ZNF251: variants seen among roughly 807,000 people sequenced by gnomAD.
ZNF251 encodes zinc finger protein 251.
Under a neutral mutation model 13.5 loss-of-function variants are expected in ZNF251, and 14 were observed. That is an observed-to-expected ratio of 1.04 (90% confidence interval 0.69 to 1.63). ZNF251 has a LOEUF of 1.63. ZNF251 is among the 40% of genes most tolerant of loss of function. ZNF251 has a pLI of 0.00. For missense variants in ZNF251, 764 were observed against 834.9 expected, an observed-to-expected ratio of 0.92 and a Z score of 1.05; for synonymous variants, 287 against 295.2, an observed-to-expected ratio of 0.97 and a Z score of 0.28.
chr8:144,733,991 G>A (rs977012343), intron 4 of ZNF251, among the ~76,000 whole-genome samples: 3 of 152,252 alleles, frequency 2.0e-5, no homozygotes, highest in African/African-American at 7.2e-5. Flanking sequence ...CGCTAGGTCT[G>A]TTCCGCAGCC....
chr8:144,755,306 G>A (rs1824909145), intron 1 of ZNF251, 99 bp downstream of exon 1: 1 of 1,265,496 alleles, frequency 7.9e-7, no homozygotes, highest in African/African-American at 1.6e-5. Context: ...ACCCAGAACA[G>A]GCTCCTCCTG....
intron 4 of ZNF251, among the ~76,000 whole-genome samples, chr8:144,724,908 G>A (rs1823473634): frequency 6.6e-6 from 1 of 152,312 alleles, no homozygotes; most frequent in East Asian, 1.9e-4. Context: ...AGTCGGTGAA[G>A]CCATCTGGGC....
At chr8:144,754,536 G>A (rs1317462933) in intron 2 of ZNF251, 160 bp downstream of exon 2, 25 of 1,450,058 alleles carry the variant, frequency 1.7e-5, no homozygotes, top group Non-Finnish European at 2.0e-5. Flanking sequence ...CCCTCTCCCT[G>A]CAGGAGGGCG....
intron 4 of ZNF251, among the ~76,000 whole-genome samples, chr8:144,725,050 G>C (rs1018246815): frequency 4.0e-5 from 6 of 150,878 alleles, no homozygotes; most frequent in African/African-American, 1.5e-4. Flanking sequence ...TTTCACTCTT[G>C]TTGCCCAGAC....
chr8:144,736,709 C>G (rs1163308530), intron 4 of ZNF251, among the ~76,000 whole-genome samples: 1 of 151,902 alleles, frequency 6.6e-6, no homozygotes, highest in Non-Finnish European at 1.5e-5. Context: ...TCAGGCTGGT[C>G]TTGAACTCCC....
rs1179379518 is a variant in ZNF251, at chr8:144,755,398, GC to G, written c.-76+6del. ...TGGCGCTCCTTCCTGGTCCGACACT[GC>G]CCCACCTGTTTGCTCGACCCGGGGA... On this transcript the variant is annotated splice_donor_region_variant and intron_variant, in intron 1 of 4. Coordinates refer to ENST00000292562, the MANE Select transcript of ZNF251 (RefSeq NM_138367.2). 1 of 1,288,386 alleles carries G rather than the reference GC, an allele frequency of 7.8e-7. No individual in the cohort carries two copies. The highest frequency in any genetic ancestry group is 1.0e-6 in the Non-Finnish European group (1 of 988,812). The allele number at this position is 1,288,386 out of a possible 1,614,324, so 79.8% of individuals were successfully genotyped here.
intron 4 of ZNF251, chr8:144,729,980 T>G (rs1341023998): frequency 1.1e-6 from 1 of 934,978 alleles, no homozygotes; most frequent in Non-Finnish European, 1.3e-6. Flanking sequence ...CAGGCAGGGC[T>G]GAGCCCACCC....
chr8:144,730,044 C>T lies in ZNF251; in HGVS notation c.278-6662G>A, dbSNP rs555134405. On this transcript the variant is annotated intron_variant, in intron 4 of 4. Transcript: ENST00000292562. ...GCCCTCACCCACCAACTCGAGGCCG[C>T]TCACTCACTGTGCAGCTGTATGGCA... 3.6e-5 allele frequency: 35 copies of T among 985,472 alleles called. No homozygotes were observed. In the East Asian group the frequency reaches 2.6e-3, roughly 74 times the overall value. The allele number at this position is 985,472 out of a possible 1,614,324, so 61.0% of individuals were successfully genotyped here.
At chr8:144,724,443 G>GC (rs979619802) in intron 4 of ZNF251, among the ~76,000 whole-genome samples, 1 of 151,872 alleles carries the variant, frequency 6.6e-6, no homozygotes, top group African/African-American at 2.4e-5. Context: ...CAATCTTCCT[G>GC]CCTCAGCCTC....
rs535082728 is a variant in ZNF251 at position 144,755,119 on chromosome 8, T to A, written c.-76+286A>T. 4.1e-6 allele frequency: 5 copies of A among 1,217,930 alleles called. No individual in the cohort carries two copies. The African/African-American group carries it at 6.4e-5, about 16-fold the overall frequency. 75.4% of individuals were successfully genotyped at this position (1,217,930 alleles called of 1,614,324 possible). A position where few individuals can be genotyped will look rare whatever the true frequency, so the allele number is the denominator to read the frequency against. ...GGCCAACCTGGGGCAAAGAGCCACG[T>A]GAGGGTGCAGCCTCACCAAGGCTGA... is the stretch of plus-strand genomic sequence containing the variant. On this transcript the variant is annotated intron_variant, in intron 1 of 4. Transcript: ENST00000292562.
rs745618669 is a variant in ZNF251 at position 144,754,222 on chromosome 8, G to A, written c.133C>T (p.Leu45=). Residue 45 remains leucine (L), a synonymous_variant, in exon 3 of 5, where the codon CTG becomes TTG. Transcript: ENST00000292562. ...GAGGCCACGTTCCCATAGTTCTCCA[G>A]CATCACATCCCGGTAGAGCGCCCGC... ...QQRALYRDVM[L]ENYGNVASLG... The A allele has an allele frequency of 6.8e-5, 109 of 1,613,948 alleles. No individual in the cohort carries two copies. The highest frequency in any genetic ancestry group is 9.1e-5 in the Non-Finnish European group (107 of 1,179,976).
rs768462124 is a variant in ZNF251 at position 144,721,952 on chromosome 8, C to T, written c.1708G>A (p.Glu570Lys). 9.9e-6 allele frequency: 15 copies of T among 1,522,002 alleles called. No individual in the cohort carries two copies. The Admixed American group carries it at 3.3e-4, about 33-fold the overall frequency. 94.3% of individuals were successfully genotyped at this position (1,522,002 alleles called of 1,614,324 possible). A position where few individuals can be genotyped will look rare whatever the true frequency, so the allele number is the denominator to read the frequency against. ...HTGEKSFGCN[E>K]YGKAFSPTSR... ...GTGGGACTGAAAGCTTTTCCATATTCATTACATCCAAAGGATTTCTCACCA... is the reference window on the plus strand; with the variant it reads ...GTGGGACTGAAAGCTTTTCCATATTTATTACATCCAAAGGATTTCTCACCA... Residue 570 changes from glutamate (E) to lysine (K), a missense_variant, in exon 5 of 5, where the codon GAA becomes AAA. Transcript: ENST00000292562.
chr8:144,725,558 C>G (rs1215482739), intron 4 of ZNF251, among the ~76,000 whole-genome samples: 2 of 152,284 alleles, frequency 1.3e-5, no homozygotes, highest in East Asian at 3.9e-4. Context: ...TCCCAAAGTG[C>G]TGGGATTACA....
Position 144,729,351 on chromosome 8 carries a change from T to G in ZNF251, c.278-5969A>C, listed in dbSNP as rs1416185643. ...TTTATTTTTATTTTTTTTTTTTTTT[T>G]TGTGAGATAGAGTCTTGCTCTGTCG... On this transcript the variant is annotated intron_variant, in intron 4 of 4. Coordinates refer to ENST00000292562, the MANE Select transcript of ZNF251 (RefSeq NM_138367.2). 1.4e-3 allele frequency among the ~76,000 whole-genome samples: 197 copies of G among 136,346 alleles called. 1 individual carries two copies. In the Middle Eastern group the frequency reaches 0.019, roughly 13 times the overall value. The allele number at this position is 136,346 out of a possible 152,430, so 89.4% of individuals were successfully genotyped here. A position where few individuals can be genotyped will look rare whatever the true frequency, so the allele number is the denominator to read the frequency against.
At position 144,723,067 on chromosome 8, in the gene ZNF251, C is replaced by T. The variant is rs145152832; in HGVS notation, c.593G>A (p.Arg198Lys). The T allele has an allele frequency of 1.9e-6, 3 of 1,614,044 alleles. No homozygotes were observed. Among genetic ancestry groups the T allele is most frequent in the African/African-American group, 2.7e-5 (2 of 75,056 alleles). ...RNLNLDQNVV[R>K]LQRNKTGERV... The stretch of plus-strand genomic sequence containing the variant: ...CTCTCCTGTTTTATTTCTTTGAAGT[C>T]TAACAACATTTTGGTCCAGATTCAA... Residue 198 changes from arginine to lysine, a missense_variant, in exon 5 of 5, where the codon AGA becomes AAA. Transcript: ENST00000292562.
At chr8:144,736,948 G>A (rs1421697226) in intron 4 of ZNF251, among the ~76,000 whole-genome samples, 10 of 151,876 alleles carry the variant, frequency 6.6e-5, no homozygotes, top group South Asian at 6.2e-4. Flanking sequence ...GATTACAGGC[G>A]CCCACCACCA....
intron 4 of ZNF251, among the ~76,000 whole-genome samples, chr8:144,735,811 C>T (rs1334503685): frequency 6.6e-6 from 1 of 152,160 alleles, no homozygotes; most frequent in Non-Finnish European, 1.5e-5. Flanking sequence ...TGCCGGGGTA[C>T]CATGGGACTA....
chr8:144,728,915 CCT>C (rs1239651960), intron 4 of ZNF251, among the ~76,000 whole-genome samples: 1 of 151,540 alleles, frequency 6.6e-6, no homozygotes, highest in East Asian at 2.0e-4. Flanking sequence ...ATGGTGAAAC[CCT>C]GTCTCTACTA....
intron 4 of ZNF251, among the ~76,000 whole-genome samples, chr8:144,737,719 C>G (rs1488266205): frequency 6.7e-6 from 1 of 149,910 alleles, no homozygotes; most frequent in African/African-American, 2.5e-5. Context: ...GTAGTCCCAG[C>G]TACTTGGGAG....
Sources: allele counts gnomAD v4.1 joint callset (sites outside exome capture counted in the v4.1 genomes callset), GRCh38; gene constraint gnomAD v4.1.1; transcripts MANE v1.5; gene names NCBI Gene and HGNC (gene_info 2026-07-23, HGNC 2026-07-21).